SYDE2: variants seen among roughly 807,000 people sequenced by gnomAD.
SYDE2 encodes the protein synapse defective Rho GTPase homolog 2.
A neutral mutation model predicts 91.5 loss-of-function variants in SYDE2; 76 were observed. The observed-to-expected ratio is 0.83, with a 90% CI of 0.69 to 1.01. The LOEUF (loss-of-function observed/expected upper bound fraction) is 1.01. SYDE2 is among the 50% of genes least tolerant of loss of function. SYDE2 has a pLI of 0.00. For synonymous variants in SYDE2, 513 were observed against 506.4 expected, an observed-to-expected ratio of 1.01 and a Z score of -0.18; for missense variants, 1,364 against 1,367.7, an observed-to-expected ratio of 1.00 and a Z score of 0.04.
intron 3 of SYDE2, among the ~76,000 whole-genome samples, chr1:85,178,782 A>C (rs1204770489): frequency 6.6e-6 from 1 of 152,056 alleles, no homozygotes; most frequent in Non-Finnish European, 1.5e-5. Flanking sequence ...TTTTTAAGAA[A>C]AAAGATTCTC....
rs757517075 is a variant in SYDE2 at position 85,182,123 on chromosome 1, A to G, written c.2519T>C (p.Met840Thr). The G allele has an allele frequency of 6.3e-6, 10 of 1,593,208 alleles. No homozygotes were observed. In the East Asian group the frequency reaches 8.9e-5, roughly 14 times the overall value. ...CTGACAGCCTCTCTTTTCAATTTCC[A>G]TAATACATTTCTGTATCAGAAGGGG... The part of the protein sequence containing the change: ...MVPLLIQKCI[M>T]EIEKRGCQVV... The change falls in exon 3 of 7, where the codon ATG (methionine) becomes ACG (threonine). Residue 840 changes from methionine (M) to threonine (T), a missense_variant. Physicochemically the swap from Met to Thr is moderately conservative, Grantham distance 81. Coordinates refer to ENST00000341460, the MANE Select transcript of SYDE2 (RefSeq NM_032184.2).
At chr1:85,169,560 GAAGTT>G (rs145807303) in intron 4 of SYDE2, among the ~76,000 whole-genome samples, 3 of 152,284 alleles carry the variant, frequency 2.0e-5, no homozygotes, top group East Asian at 1.9e-4. Flanking sequence ...ATGTGAAACA[GAAGTT>G]AAGAAAGCAA....
chr1:85,156,038 G>A (rs145544627), downstream of SYDE2, among the ~76,000 whole-genome samples: 1,795 of 151,408 alleles, frequency 0.012, 21 homozygotes, highest in Non-Finnish European at 0.019. Flanking sequence ...TGGTGAGAAG[G>A]AATGAAGTGA....
rs1183525392 is a variant in SYDE2, at chr1:85,164,582, G to C, written c.3029C>G (p.Ala1010Gly). Residue 1010 changes from alanine to glycine, a missense_variant, in exon 6 of 7, where the codon GCT (alanine) becomes GGT (glycine). Transcript: ENST00000341460. Reference sequence around the variant, plus strand: ...TTCAATGTGTTTTTTAAAATCCAAAGCACTTGCAAGTTCTTCTGAATCAGT... The same window carrying C: ...TTCAATGTGTTTTTTAAAATCCAAACCACTTGCAAGTTCTTCTGAATCAGT... Reference protein sequence around the residue: ...VFTDSEELASALDFKKHIEVL... With the variant: ...VFTDSEELASGLDFKKHIEVL... 5.0e-6 allele frequency: 8 copies of C among 1,608,208 alleles called. No homozygotes were observed. Among genetic ancestry groups the C allele is most frequent in the Non-Finnish European group, 5.9e-6 (7 of 1,177,240 alleles).
intron 1 of SYDE2, among the ~76,000 whole-genome samples, chr1:85,193,554 A>G (rs1159299024): frequency 1.3e-5 from 2 of 152,196 alleles, no homozygotes; most frequent in African/African-American, 4.8e-5. Flanking sequence ...AAATAAAGCT[A>G]CCAGTATCCC....
chr1:85,159,847 T>C (rs1433702006), intron 6 of SYDE2: 2 of 982,312 alleles, frequency 2.0e-6, no homozygotes, highest in East Asian at 1.1e-4. Flanking sequence ...TACAGCATTA[T>C]CTACTATCTT....
intron 4 of SYDE2, among the ~76,000 whole-genome samples, chr1:85,175,027 C>T (rs201716361): frequency 1.3e-5 from 2 of 152,062 alleles, no homozygotes; most frequent in East Asian, 3.9e-4. Flanking sequence ...CATAAAAAGG[C>T]ATGGTCAAAT....
rs921644240 is a variant in SYDE2 at position 85,158,579 on chromosome 1, A to C, written c.*171T>G. On this transcript the variant is annotated 3_prime_UTR_variant, in exon 7 of 7. Coordinates refer to ENST00000341460, the MANE Select transcript of SYDE2 (RefSeq NM_032184.2). The stretch of plus-strand genomic sequence containing the variant: ...CCCAGAAAAGTTTTCTAGTGAGATA[A>C]GTAAAAATTGTATTAATGAATAGTG... The C allele has an allele frequency of 1.2e-5, 6 of 498,580 alleles. No individual in the cohort carries two copies. In the East Asian group the frequency reaches 1.7e-4, roughly 14 times the overall value. The allele number at this position is 498,580 out of a possible 1,614,324, so 30.9% of individuals were successfully genotyped here. A position where few individuals can be genotyped will look rare whatever the true frequency, so the allele number is the denominator to read the frequency against.
intron 5 of SYDE2, among the ~76,000 whole-genome samples, chr1:85,167,399 AG>A (rs999554144): frequency 1.3e-5 from 2 of 152,246 alleles, no homozygotes; most frequent in African/African-American, 4.8e-5. Context: ...AATATACAAA[AG>A]GGAATACTGA....
In SYDE2 at chr1:85,157,619, C is replaced by T. The variant is rs1056890408; in HGVS notation, c.*1131G>A. 2.6e-5 allele frequency: 4 copies of T among 152,050 alleles called. No homozygotes were observed. The highest frequency in any genetic ancestry group is 4.4e-5 in the Non-Finnish European group (3 of 67,962). 9.4% of individuals were successfully genotyped at this position (152,050 alleles called of 1,614,324 possible). A position where few individuals can be genotyped will look rare whatever the true frequency, so the allele number is the denominator to read the frequency against. On this transcript the variant is annotated 3_prime_UTR_variant, in exon 7 of 7. Coordinates refer to ENST00000341460, the MANE Select transcript of SYDE2 (RefSeq NM_032184.2). ...TTCAAATTTAAAAGATGACTTTTCC[C>T]AGGGGACATTGTGACTTTCTGTGAA...
intron 2 of SYDE2, among the ~76,000 whole-genome samples, chr1:85,185,373 G>C (rs1658093017): frequency 6.6e-6 from 1 of 151,000 alleles, no homozygotes; most frequent in Admixed American, 6.6e-5. Flanking sequence ...GTCTTTCCAG[G>C]TTCACAATTT....
chr1:85,191,075 G>A (rs568551664), intron 1 of SYDE2, among the ~76,000 whole-genome samples: 207 of 152,038 alleles, frequency 1.4e-3, no homozygotes, highest in African/African-American at 4.8e-3. Flanking sequence ...TATCTAGAAT[G>A]CTTTATTCAT....
chr1:85,155,409 G>A (rs1359338016), downstream of SYDE2, among the ~76,000 whole-genome samples: 5 of 151,992 alleles, frequency 3.3e-5, no homozygotes, highest in South Asian at 4.2e-4. Context: ...AGACTGAGGC[G>A]GAAAGGATCG....
chr1:85,191,702 G>A (rs112356857), intron 1 of SYDE2, among the ~76,000 whole-genome samples: 26,864 of 149,964 alleles, frequency 0.18, 2,490 homozygotes, highest in East Asian at 0.28. Flanking sequence ...AGGTTGTGGT[G>A]AGCCGAGATC....
downstream of SYDE2, chr1:85,154,210 T>G (rs1656827044): frequency 6.6e-6 from 1 of 151,366 alleles, no homozygotes; most frequent in Admixed American, 6.6e-5. Context: ...ATTGATATAT[T>G]TAATTTATAA....
rs1215681995 is a variant in SYDE2, at chr1:85,157,498, C to A, written c.*1252G>T. The A allele has an allele frequency of 2.6e-5, 4 of 151,942 alleles. No homozygotes were observed. Among genetic ancestry groups the A allele is most frequent in the Admixed American group, 2.0e-4 (3 of 15,258 alleles). The allele number at this position is 151,942 out of a possible 1,614,324, so 9.4% of individuals were successfully genotyped here. On this transcript the variant is annotated 3_prime_UTR_variant, in exon 7 of 7. Transcript: ENST00000341460. ...CTACAAATAAATAATTAAAACAAAGCAGAATATAAAAATGCATAGAACAGG... is the reference window on the plus strand; with the variant it reads ...CTACAAATAAATAATTAAAACAAAGAAGAATATAAAAATGCATAGAACAGG...
Position 85,182,285 on chromosome 1 carries a change from C to A in SYDE2, c.2357G>T (p.Gly786Val). The A allele has an allele frequency of 6.2e-7, 1 of 1,613,528 alleles. No individual in the cohort carries two copies. Among genetic ancestry groups the A allele is most frequent in the South Asian group, 1.1e-5 (1 of 91,006 alleles). Residue 786 changes from glycine (G) to valine (V), a missense_variant, in exon 3 of 7, where the codon GGT becomes GTT. Gly to Val is a moderately radical substitution (Grantham distance 109). Coordinates refer to ENST00000341460, the MANE Select transcript of SYDE2 (RefSeq NM_032184.2). ...AAGAGTCACTTTCACATAAATAAGA[C>A]CTCTAGGTTCAAGTTTGACAGCCAA... ...HQLAVKLEPR[G>V]LIYVKVTLME...
At chr1:85,181,692 ATAT>A (rs1200398366) in intron 3 of SYDE2, 2 of 154,226 alleles carry the variant, frequency 1.3e-5, no homozygotes, top group Non-Finnish European at 2.9e-5. Context: ...TTTTCAACCA[ATAT>A]TATAAATTCA....
chr1:85,165,931 T>TA (rs57042630), intron 5 of SYDE2, among the ~76,000 whole-genome samples: 11,197 of 143,690 alleles, frequency 0.078, 494 homozygotes, highest in Middle Eastern at 0.13. Flanking sequence ...TGGAGTACAG[T>TA]AGCATGATCA....
Sources: allele counts gnomAD v4.1 joint callset (sites outside exome capture counted in the v4.1 genomes callset), GRCh38; gene constraint gnomAD v4.1.1; transcripts MANE v1.5; gene names NCBI Gene and HGNC (gene_info 2026-07-23, HGNC 2026-07-21).